Variants in PARVB observed in about 807,000 individuals in gnomAD.
PARVB encodes the protein parvin beta.
Under a neutral mutation model 47.0 loss-of-function variants are expected in PARVB, and 46 were observed. The ratio of observed to expected loss-of-function variants is 0.98; its 90% CI spans 0.77 to 1.25. The LOEUF is 1.25. Among genes scored for constraint, PARVB ranks in the 50% most tolerant of loss-of-function variants. PARVB has a pLI of 0.00. For synonymous variants in PARVB, 196 were observed against 196.3 expected, an observed-to-expected ratio of 1.00 and a Z score of 0.01; for missense variants, 473 against 471.6, an observed-to-expected ratio of 1.00 and a Z score of -0.03.
At chr22:44,066,854 C>T (rs1436461789) in intron 1 of PARVB, among the ~76,000 whole-genome samples, 1 of 104,018 alleles carries the variant, frequency 9.6e-6, no homozygotes, top group Non-Finnish European at 1.9e-5. Flanking sequence ...TCTTCTTCTT[C>T]CTTTTTTTTC....
chr22:44,009,744 A>G (rs1379601584), intron 2 of PARVB, among the ~76,000 whole-genome samples: 1 of 151,534 alleles, frequency 6.6e-6, no homozygotes, highest in East Asian at 1.9e-4. Context: ...AACATTATAT[A>G]TGTAAAAACC....
In PARVB at chr22:44,172,832, C is replaced by G. The variant is rs957633567; in HGVS notation, c.*4154C>G. 2 of 564,254 alleles carry G rather than the reference C, an allele frequency of 3.5e-6. No homozygotes were observed. The highest frequency in any genetic ancestry group is 5.3e-6 in the Non-Finnish European group (2 of 373,904). 35.0% of individuals were successfully genotyped at this position (564,254 alleles called of 1,614,324 possible). A position where few individuals can be genotyped will look rare whatever the true frequency, so the allele number is the denominator to read the frequency against. On this transcript the variant is annotated 3_prime_UTR_variant, in exon 13 of 13. Transcript: ENST00000338758. Reference sequence around the variant, plus strand: ...GCAGGAAGCAAGCGCTTTTCAGGAGCTCACTGCAACACCGGGCAAACACTT... The same window carrying G: ...GCAGGAAGCAAGCGCTTTTCAGGAGGTCACTGCAACACCGGGCAAACACTT...
Position 44,168,629 on chromosome 22 carries a change from C to A in PARVB, c.1046C>A (p.Thr349Asn). The change falls in exon 13 of 13, where the codon ACC (threonine) becomes AAC (asparagine). Residue 349 changes from threonine to asparagine, a missense_variant. By Grantham distance (65) the Thr-to-Asn change is moderately conservative. Coordinates refer to ENST00000338758, the MANE Select transcript of PARVB (RefSeq NM_013327.5). Reference protein sequence around the residue: ...EDVVNLDLKSTLRVLYNLFTK... With the variant: ...EDVVNLDLKSNLRVLYNLFTK... Reference sequence around the variant, plus strand: ...GTGGTTAACTTGGACCTCAAATCCACCCTGAGGGTTCTTTACAACCTGTTC... The same window carrying A: ...GTGGTTAACTTGGACCTCAAATCCAACCTGAGGGTTCTTTACAACCTGTTC... The A allele has an allele frequency of 1.2e-6, 2 of 1,613,236 alleles. No homozygotes were observed. Among genetic ancestry groups the A allele is most frequent in the African/African-American group, 1.3e-5 (1 of 75,012 alleles).
intron 1 of PARVB, among the ~76,000 whole-genome samples, chr22:44,052,295 A>G (rs538346134): frequency 6.6e-6 from 1 of 152,294 alleles, no homozygotes; most frequent in Non-Finnish European, 1.5e-5. Flanking sequence ...AGGCGGTGTG[A>G]ATGCCAAACA....
intron 12 of PARVB, 116 bp from the exon 13 acceptor site, chr22:44,168,484 GAA>G (rs2054221865): frequency 2.8e-6 from 2 of 721,958 alleles, no homozygotes; most frequent in Admixed American, 3.8e-5. Flanking sequence ...TCTTTAAGGG[GAA>G]GCGCTGTGTG....
chr22:44,153,823 A>T (rs1328075454), intron 10 of PARVB, among the ~76,000 whole-genome samples: 2 of 152,078 alleles, frequency 1.3e-5, no homozygotes, highest in African/African-American at 2.4e-5. Flanking sequence ...AGTGTATCTC[A>T]TCAGCGGGAA....
intron 1 of PARVB, among the ~76,000 whole-genome samples, chr22:44,066,780 T>TCTCCTCCTCCTCCTCCTCCTCCTTCTC (rs2051532903): frequency 1.5e-4 from 7 of 48,114 alleles, no homozygotes; most frequent in African/African-American, 5.7e-4. Flanking sequence ...CTTAATTATT[T>TCTCCTCCTCCTCCTCCTCCTCCTTCTC]CTCCTCCTCC....
intron 1 of PARVB, among the ~76,000 whole-genome samples, chr22:44,057,862 A>T (rs767053445): frequency 6.6e-6 from 1 of 152,036 alleles, no homozygotes; most frequent in Non-Finnish European, 1.5e-5. Context: ...GGACGGCTCA[A>T]GCAGGGACCA....
intron 10 of PARVB, among the ~76,000 whole-genome samples, chr22:44,154,850 T>A (rs1379015879): frequency 6.7e-6 from 1 of 148,670 alleles, no homozygotes; most frequent in Non-Finnish European, 1.5e-5. Flanking sequence ...GTGTGGTTTA[T>A]GCAGTCTGTG....
intron 2 of PARVB, among the ~76,000 whole-genome samples, chr22:44,009,980 G>C (rs2050506194): frequency 6.6e-6 from 1 of 151,802 alleles, no homozygotes. Flanking sequence ...CTAATTTTTT[G>C]TATTTTTAGT....
Position 44,165,386 on chromosome 22 carries a change from G to A in PARVB, c.1018+1456G>A, listed in dbSNP as rs564461312. Among the ~76,000 whole-genome samples the A allele has an allele frequency of 5.9e-5, 9 of 152,262 alleles. No homozygotes were observed. The South Asian group carries it at 1.2e-3, about 21-fold the overall frequency. ...ATGGTGCCTGGCCTGGAAACTGCTCGACAGCACGGATCAAAGCACATGTCC... is the reference window on the plus strand; with the variant it reads ...ATGGTGCCTGGCCTGGAAACTGCTCAACAGCACGGATCAAAGCACATGTCC... On this transcript the variant is annotated intron_variant, in intron 12 of 12. Coordinates refer to ENST00000338758, the MANE Select transcript of PARVB (RefSeq NM_013327.5).
chr22:44,071,584 C>T (rs1457837970), intron 1 of PARVB, among the ~76,000 whole-genome samples: 1 of 152,158 alleles, frequency 6.6e-6, no homozygotes, highest in African/African-American at 2.4e-5. Flanking sequence ...CTATTGATAA[C>T]CTCCCAGCCA....
intron 1 of PARVB, among the ~76,000 whole-genome samples, chr22:44,069,678 G>A (rs1001559543): frequency 4.6e-4 from 70 of 152,214 alleles, no homozygotes; most frequent in African/African-American, 1.4e-3. Flanking sequence ...ACAGGCTCCC[G>A]CCACCGCGCC....
rs535189994 is a variant in PARVB, at chr22:44,009,798, G to A, written c.211+10125G>A. Among the ~76,000 whole-genome samples the A allele has an allele frequency of 2.7e-5, 4 of 149,278 alleles. No homozygotes were observed. In the East Asian group the frequency reaches 7.8e-4, roughly 29 times the overall value. ...TGCTCATATATGCATACACATGTGTGCATATGAATCTTTTTTTTTTTTTTT... is the reference window on the plus strand; with the variant it reads ...TGCTCATATATGCATACACATGTGTACATATGAATCTTTTTTTTTTTTTTT... On this transcript the variant is annotated intron_variant, in intron 2 of 13. Coordinates refer to the PARVB transcript ENST00000406477.
intron 2 of PARVB, among the ~76,000 whole-genome samples, chr22:44,006,446 A>G (rs1309907918): frequency 6.6e-6 from 1 of 152,184 alleles, no homozygotes; most frequent in Non-Finnish European, 1.5e-5. Context: ...CAAAATAGTG[A>G]AACGCTGTCT....
chr22:44,135,452 T>C (rs1000751149), intron 6 of PARVB, among the ~76,000 whole-genome samples: 1 of 152,072 alleles, frequency 6.6e-6, no homozygotes, highest in African/African-American at 2.4e-5. Context: ...AGAGACCGGG[T>C]TTCACCATGT....
At chr22:44,012,676 T>C (rs2050534897) in intron 2 of PARVB, among the ~76,000 whole-genome samples, 1 of 152,132 alleles carries the variant, frequency 6.6e-6, no homozygotes, top group Non-Finnish European at 1.5e-5. Context: ...ATCACTTCTC[T>C]ACACACTTCT....
intron 8 of PARVB, chr22:44,143,564 G>A (rs1166239568): frequency 6.6e-6 from 1 of 152,260 alleles, no homozygotes; most frequent in Non-Finnish European, 1.5e-5. Flanking sequence ...GGTCTTCTGG[G>A]CCTCAGTTTC....
Position 44,157,302 on chromosome 22 carries a change from G to A in PARVB, c.844-680G>A, listed in dbSNP as rs150774032. Among the ~76,000 whole-genome samples the A allele has an allele frequency of 8.0e-3, 1,214 of 152,260 alleles. 14 individuals carry two copies. The highest frequency in any genetic ancestry group is 0.027 in the African/African-American group (1,139 of 41,544). The stretch of plus-strand genomic sequence containing the variant: ...GTGTGCCAGGTGCTCCCTCCCAGCC[G>A]TCTCGCTGTGTCTTCACGACAGCCC... On this transcript the variant is annotated intron_variant, in intron 10 of 12. Transcript: ENST00000338758.
Sources: gnomAD v4.1 joint callset for allele counts (sites outside exome capture counted in the v4.1 genomes callset) on GRCh38, gnomAD v4.1.1 for gene constraint, MANE v1.5 for transcripts, NCBI Gene and HGNC (gene_info 2026-07-23, HGNC 2026-07-21) for gene names.